The following SYNE2 variants were observed in gnomAD, a reference collection of about 807,000 sequenced individuals.
The protein encoded by SYNE2 is spectrin repeat containing nuclear envelope protein 2.
SYNE2 carries 431 observed loss-of-function variants against 856.3 expected under a neutral mutation model. That is an observed-to-expected ratio of 0.50 (90% CI 0.47 to 0.55). The LOEUF (loss-of-function observed/expected upper bound fraction) is 0.55, where lower values mean the gene tolerates loss of function less well. SYNE2 is among the 20% of genes least tolerant of loss of function. The pLI, the probability that SYNE2 is intolerant of heterozygous loss-of-function variation, is 0.00. For synonymous variants in SYNE2, 2,923 were observed against 2,872.3 expected (o/e 1.02, Z -0.56); for missense variants, 8,129 against 8,023.2 (o/e 1.01, Z -0.50).
In SYNE2 at chr14:64,209,422, C is replaced by T. The variant is rs2098628721; in HGVS notation, c.18390-6C>T. ...GGCTTGTGTTAAGTTGCTTTGCTCC[C>T]ATCAGAATCGAGGAGACGTGGCGCC... On this transcript the variant is annotated splice_polypyrimidine_tract_variant and splice_region_variant and intron_variant, in intron 101 of 115. Coordinates refer to ENST00000555002, the MANE Select transcript of SYNE2 (RefSeq NM_182914.3). 2 of 1,614,204 alleles carry T rather than the reference C, an allele frequency of 1.2e-6. No homozygotes were observed. The highest frequency in any genetic ancestry group is 4.5e-5 in the East Asian group (2 of 44,880).
rs370330858 is a variant in SYNE2, at chr14:64,139,995, T to G, written c.14898T>G (p.Thr4966=). ...AGTGGTTGGAATCTTCCCAGCATAC[T>G]CTGAATTACTGGAAAGAACAGTCCC... ...LTKWLESSQH[T]LNYWKEQSLN... The change falls in exon 80 of 116, where the codon ACT becomes ACG. Residue 4966 remains threonine, a synonymous_variant. Transcript: ENST00000555002. 1 of 1,613,780 alleles carries G rather than the reference T, an allele frequency of 6.2e-7. No individual in the cohort carries two copies. The highest frequency in any genetic ancestry group is 1.3e-5 in the African/African-American group (1 of 74,926).
intron 103 of SYNE2, among the ~76,000 whole-genome samples, chr14:64,211,394 A>C (rs528404443): frequency 6.6e-6 from 1 of 152,342 alleles, no homozygotes; most frequent in South Asian, 2.1e-4. Flanking sequence ...CCTGAGAGGC[A>C]TCCTTAATTG....
chr14:64,190,161 A>G lies in SYNE2; in HGVS notation c.17962A>G (p.Arg5988Gly), dbSNP rs1373789587. 3 of 1,614,034 alleles carry G rather than the reference A, an allele frequency of 1.9e-6. No homozygotes were observed. Among genetic ancestry groups the G allele is most frequent in the Non-Finnish European group, 1.7e-6 (2 of 1,180,032 alleles). The change falls in exon 99 of 116, where the codon AGA (arginine) becomes GGA (glycine). Residue 5988 changes from arginine (R) to glycine (G), a missense_variant. Coordinates refer to ENST00000555002, the MANE Select transcript of SYNE2 (RefSeq NM_182914.3). Reference sequence around the variant, plus strand: ...GTTGATCAAGGCCAGCAACAAATCAAGAGCAGCTGAGATCGATGACAAGCT... The same window carrying G: ...GTTGATCAAGGCCAGCAACAAATCAGGAGCAGCTGAGATCGATGACAAGCT... ...DQLIKASNKS[R>G]AAEIDDKLNK...
At chr14:63,946,415 A>G (rs1247097099) in intron 6 of SYNE2, among the ~76,000 whole-genome samples, 1 of 151,800 alleles carries the variant, frequency 6.6e-6, no homozygotes, top group Non-Finnish European at 1.5e-5. Flanking sequence ...GCAACAGAGC[A>G]AGACCCTGTC....
At chr14:63,810,292 CA>C (rs2139824353) in intron 1 of SYNE2, among the ~76,000 whole-genome samples, 1 of 151,370 alleles carries the variant, frequency 6.6e-6, no homozygotes, top group African/African-American at 2.4e-5. Context: ...GTATCTGATA[CA>C]TTAAATTGCA....
In SYNE2 at chr14:63,825,844, G is replaced by A. The variant is rs182796125; in HGVS notation, c.-304-26657G>A. 4.6e-5 allele frequency among the ~76,000 whole-genome samples: 7 copies of A among 152,254 alleles called. No homozygotes were observed. In the East Asian group the frequency reaches 9.6e-4, roughly 21 times the overall value. On this transcript the variant is annotated intron_variant, in intron 1 of 23. Transcript: ENST00000674003. ...GCCAAGATCACTCCACTGCACTCCA[G>A]CCTGGGCAACAAAGTGAGACTCTGT... is the stretch of plus-strand genomic sequence containing the variant.
chr14:64,180,903 CTAATTA>C (rs2098454785), intron 96 of SYNE2, among the ~76,000 whole-genome samples: 1 of 152,146 alleles, frequency 6.6e-6, no homozygotes, highest in African/African-American at 2.4e-5. Flanking sequence ...CTGCCTTTTT[CTAATTA>C]TATTTCCTAA....
chr14:64,162,440 G>A (rs2098336856), intron 88 of SYNE2, 164 bp downstream of exon 88: 1 of 757,098 alleles, frequency 1.3e-6, no homozygotes, highest in African/African-American at 1.7e-5. Context: ...AGGACCAGGT[G>A]GTGGCTCAGA....
In SYNE2 at chr14:64,097,945, A is replaced by G; in HGVS notation, c.12109-4A>G. On this transcript the variant is annotated splice_region_variant and splice_polypyrimidine_tract_variant and intron_variant, in intron 61 of 115. Transcript: ENST00000555002. ...AAACCTATGCAAACACTCTTTCTAC[A>G]CAGGGAGAAATCGAACGTATGGAGA... The G allele has an allele frequency of 1.9e-6, 3 of 1,614,238 alleles. No homozygotes were observed. Among genetic ancestry groups the G allele is most frequent in the Non-Finnish European group, 2.5e-6 (3 of 1,180,038 alleles).
At chr14:63,926,146 G>C (rs777872330) in intron 2 of SYNE2, among the ~76,000 whole-genome samples, 2 of 151,904 alleles carry the variant, frequency 1.3e-5, no homozygotes, top group South Asian at 4.2e-4. Context: ...ACCTGGCTAG[G>C]ATTTTAGAAC....
chr14:64,218,253 A>G, intron 108 of SYNE2, 145 bp from the exon 109 acceptor site: 1 of 758,972 alleles, frequency 1.3e-6, no homozygotes, highest in South Asian at 1.5e-5. Context: ...CCTAGACACT[A>G]AAGCACCACT....
intron 1 of SYNE2, among the ~76,000 whole-genome samples, chr14:63,771,589 C>A (rs1051293665): frequency 2.6e-5 from 4 of 152,168 alleles, no homozygotes; most frequent in Non-Finnish European, 5.9e-5. Context: ...AAGGATAAAA[C>A]TGTAGTGTAT....
chr14:63,871,631 A>G (rs1333699485), intron 1 of SYNE2, among the ~76,000 whole-genome samples: 11 of 150,434 alleles, frequency 7.3e-5, no homozygotes, highest in Admixed American at 6.6e-5. Context: ...TCTTTCAGAG[A>G]CAGGGTCTCA....
At chr14:63,928,087 TG>T (rs1338652579) in intron 2 of SYNE2, among the ~76,000 whole-genome samples, 5 of 151,292 alleles carry the variant, frequency 3.3e-5, no homozygotes, top group African/African-American at 9.7e-5. Flanking sequence ...GCAGTAGGGC[TG>T]GGGGGCCAAG....
At chr14:64,157,238 GCAGT>G (rs1358696296) in intron 85 of SYNE2, among the ~76,000 whole-genome samples, 10 of 152,068 alleles carry the variant, frequency 6.6e-5, no homozygotes, top group Non-Finnish European at 1.3e-4. Flanking sequence ...ATACCCATTG[GCAGT>G]CACTCCCCAC....
chr14:64,125,235 T>C, intron 71 of SYNE2, 25 bp downstream of exon 71: 1 of 1,613,792 alleles, frequency 6.2e-7, no homozygotes, highest in Admixed American at 1.7e-5. Flanking sequence ...CAATGTGTTT[T>C]CCTCATTGTA....
At chr14:63,903,907 G>T (rs2095372347) in intron 1 of SYNE2, among the ~76,000 whole-genome samples, 1 of 151,348 alleles carries the variant, frequency 6.6e-6, no homozygotes, top group African/African-American at 2.4e-5. Flanking sequence ...TTGTAACATG[G>T]GTATATTGTA....
chr14:64,017,995 A>G (rs2096906689), intron 34 of SYNE2, among the ~76,000 whole-genome samples: 1 of 152,198 alleles, frequency 6.6e-6, no homozygotes, highest in Admixed American at 6.5e-5. Context: ...ACGTGCTAGT[A>G]TTACGTATCA....
intron 67 of SYNE2, 50 bp from the exon 68 acceptor site, chr14:64,120,877 G>A (rs757914424): frequency 5.6e-6 from 9 of 1,599,548 alleles, no homozygotes; most frequent in Non-Finnish European, 6.0e-6. Flanking sequence ...GAGATAAAGT[G>A]GAGTTTATTT....
Sources: gnomAD v4.1 joint callset for allele counts (sites outside exome capture counted in the v4.1 genomes callset) on GRCh38, gnomAD v4.1.1 for gene constraint, MANE v1.5 for transcripts, NCBI Gene and HGNC (gene_info 2026-07-23, HGNC 2026-07-21) for gene names.